PDE4B: variants seen among roughly 807,000 people sequenced by gnomAD.
The protein encoded by PDE4B is phosphodiesterase 4B.
In PDE4B, 20 loss-of-function variants were observed where a neutral mutation model predicts 82.2. That is an observed-to-expected ratio of 0.24 (90% CI 0.17 to 0.35). The LOEUF (loss-of-function observed/expected upper bound fraction) is 0.35, where lower values mean the gene tolerates loss of function less well. Among genes scored for constraint, PDE4B ranks in the 10% least tolerant of loss-of-function variants. PDE4B has a pLI of 1.00. For missense variants in PDE4B, 655 were observed against 907.2 expected (o/e 0.72, Z 3.57); for synonymous variants, 320 against 318.9 (o/e 1.00, Z -0.04).
intron 3 of PDE4B, among the ~76,000 whole-genome samples, chr1:66,120,377 A>G (rs530337264): frequency 2.0e-5 from 3 of 152,092 alleles, no homozygotes; most frequent in Non-Finnish European, 4.4e-5. Context: ...ATTGAAGTAC[A>G]TTCTCCTCCT....
intron 3 of PDE4B, among the ~76,000 whole-genome samples, chr1:66,241,030 A>G (rs1652851187): frequency 1.3e-5 from 2 of 152,244 alleles, no homozygotes; most frequent in African/African-American, 2.4e-5. Flanking sequence ...GTTTTGGATT[A>G]CTGCCATGAA....
At chr1:65,917,429 A>T (rs147775012) in intron 2 of PDE4B, among the ~76,000 whole-genome samples, 218 of 152,312 alleles carry the variant, frequency 1.4e-3, no homozygotes, top group African/African-American at 4.9e-3. Context: ...GACTTCCGTT[A>T]TTCCCTGCTA....
At chr1:66,318,885 T>A (rs1659199183) in intron 7 of PDE4B, among the ~76,000 whole-genome samples, 1 of 152,230 alleles carries the variant, frequency 6.6e-6, no homozygotes, top group South Asian at 2.1e-4. Context: ...TAGCCACATG[T>A]GACTAGTAGC....
In PDE4B at chr1:66,358,942, A is replaced by G. The variant is rs768429603; in HGVS notation, c.842-2673A>G. 1.4e-4 allele frequency among the ~76,000 whole-genome samples: 22 copies of G among 152,214 alleles called. 1 individual carries two copies. Among genetic ancestry groups the G allele is most frequent in the Non-Finnish European group, 3.2e-4 (22 of 68,034 alleles). ...CAGGAGGACAGGGAGAAAGGCAGGC[A>G]GTAGACTATATTTACCAGTCCAGGC... is the stretch of plus-strand genomic sequence containing the variant. On this transcript the variant is annotated intron_variant, in intron 9 of 16. Coordinates refer to ENST00000341517, the MANE Select transcript of PDE4B (RefSeq NM_002600.4).
intron 4 of PDE4B, among the ~76,000 whole-genome samples, chr1:66,253,042 A>G (rs943077582): frequency 6.6e-6 from 1 of 152,234 alleles, no homozygotes; most frequent in Non-Finnish European, 1.5e-5. Context: ...ACTATAACTC[A>G]ATAACTAATC....
chr1:66,165,989 A>G (rs946485455), intron 3 of PDE4B, among the ~76,000 whole-genome samples: 1 of 152,138 alleles, frequency 6.6e-6, no homozygotes, highest in Non-Finnish European at 1.5e-5. Flanking sequence ...CACACTTTCC[A>G]ATTTAAAAAT....
intron 3 of PDE4B, among the ~76,000 whole-genome samples, chr1:66,232,116 G>C (rs1161657476): frequency 2.6e-5 from 4 of 152,334 alleles, no homozygotes; most frequent in South Asian, 2.1e-4. Flanking sequence ...TGGAGACTGA[G>C]CTTTAATAGA....
At chr1:66,133,866 T>G (rs909710219) in intron 3 of PDE4B, among the ~76,000 whole-genome samples, 1 of 152,170 alleles carries the variant, frequency 6.6e-6, no homozygotes, top group African/African-American at 2.4e-5. Flanking sequence ...GGGCTTTCAC[T>G]CTCTATATGT....
intron 8 of PDE4B, among the ~76,000 whole-genome samples, chr1:66,339,570 A>G (rs373802738): frequency 2.6e-5 from 4 of 152,234 alleles, no homozygotes; most frequent in Admixed American, 1.3e-4. Context: ...AATGAAGAGG[A>G]CATTGCCTTT....
chr1:65,948,755 A>G (rs1000331948), intron 3 of PDE4B, among the ~76,000 whole-genome samples: 2 of 152,014 alleles, frequency 1.3e-5, no homozygotes, highest in Non-Finnish European at 2.9e-5. Context: ...ATCTGTATTC[A>G]CGTGTTTGGA....
chr1:65,997,094 A>C (rs909854544), intron 3 of PDE4B, among the ~76,000 whole-genome samples: 25 of 152,140 alleles, frequency 1.6e-4, no homozygotes, highest in Non-Finnish European at 2.9e-5. Flanking sequence ...TGCTCTCTGA[A>C]GAAAGCTACT....
At chr1:66,207,383 A>G (rs941627159) in intron 3 of PDE4B, among the ~76,000 whole-genome samples, 3 of 152,210 alleles carry the variant, frequency 2.0e-5, no homozygotes, top group African/African-American at 7.2e-5. Flanking sequence ...AATTATTTAC[A>G]TAGATGATAT....
chr1:66,208,075 T>G (rs978235798), intron 3 of PDE4B, among the ~76,000 whole-genome samples: 3 of 152,228 alleles, frequency 2.0e-5, no homozygotes, highest in Admixed American at 6.5e-5. Flanking sequence ...ATTTTTCCAC[T>G]GCTTATAACT....
chr1:66,364,294 TA>T (rs1663055257), intron 12 of PDE4B, among the ~76,000 whole-genome samples: 1 of 152,148 alleles, frequency 6.6e-6, no homozygotes, highest in African/African-American at 2.4e-5. Context: ...GAAGAAGTAG[TA>T]ACTAAAAATC....
intron 9 of PDE4B, 85 bp downstream of exon 9, chr1:66,355,705 G>A: frequency 1.4e-6 from 1 of 707,336 alleles, no homozygotes; most frequent in Non-Finnish European, 2.4e-6. Flanking sequence ...ATCCTCATGT[G>A]AATTTGGGAT....
At chr1:66,109,480 A>T (rs1570258542) in intron 3 of PDE4B, among the ~76,000 whole-genome samples, 3 of 13,342 alleles carry the variant, frequency 2.2e-4, no homozygotes, top group East Asian at 0.022. Flanking sequence ...AAACAATTTA[A>T]AAAAAAATTG....
intron 1 of PDE4B, among the ~76,000 whole-genome samples, chr1:65,906,077 T>C (rs1647025049): frequency 6.6e-6 from 1 of 152,138 alleles, no homozygotes; most frequent in East Asian, 1.9e-4. Context: ...TTTTTTATAC[T>C]CTCATTGAAA....
chr1:65,851,400 T>G (rs1197324948), intron 1 of PDE4B, among the ~76,000 whole-genome samples: 2 of 152,108 alleles, frequency 1.3e-5, no homozygotes, highest in Non-Finnish European at 2.9e-5. Context: ...TTGATTTGGA[T>G]TAAGTTGACT....
At chr1:65,941,535 G>T (rs1648448981) in intron 3 of PDE4B, among the ~76,000 whole-genome samples, 1 of 151,926 alleles carries the variant, frequency 6.6e-6, no homozygotes, top group Admixed American at 6.6e-5. Flanking sequence ...CCAGAAAGGA[G>T]AAAACCTTTA....
Sources: gnomAD v4.1 joint callset for allele counts (sites outside exome capture counted in the v4.1 genomes callset) on GRCh38, gnomAD v4.1.1 for gene constraint, MANE v1.5 for transcripts, NCBI Gene and HGNC (gene_info 2026-07-23, HGNC 2026-07-21) for gene names.